The following AGAP1 variants were observed in gnomAD, a reference collection of about 807,000 sequenced individuals.
AGAP1 encodes the protein arf-GAP with GTPase, ANK repeat and PH domain-containing protein 1.
A neutral mutation model predicts 105.3 loss-of-function variants in AGAP1; 29 were observed. The ratio of observed to expected loss-of-function variants is 0.28; its 90% CI spans 0.21 to 0.38. The LOEUF (loss-of-function observed/expected upper bound fraction) is 0.38, where lower values mean the gene tolerates loss of function less well. AGAP1 is among the 10% of genes least tolerant of loss of function. The probability of loss-of-function intolerance (pLI) is 1.00; values close to 1 mark genes in which losing one functional copy is unlikely to be tolerated. For missense variants in AGAP1, 998 were observed against 1,165.1 expected (o/e 0.86, Z 2.09); for synonymous variants, 509 against 485.9 (o/e 1.05, Z -0.63).
chr2:235,546,453 C>A (rs558957726), intron 1 of AGAP1, among the ~76,000 whole-genome samples: 2 of 152,216 alleles, frequency 1.3e-5, no homozygotes, highest in South Asian at 4.2e-4. Context: ...TGGTTCCTGG[C>A]GTCCTATCAA....
At chr2:235,644,957 G>A (rs59826979) in intron 1 of AGAP1, among the ~76,000 whole-genome samples, 5,508 of 151,520 alleles carry the variant, frequency 0.036, 275 homozygotes, top group African/African-American at 0.11. Context: ...GTGCAATGGC[G>A]CGATCTGGGC....
At position 235,977,597 on chromosome 2, in the gene AGAP1, G is replaced by A. The variant is rs2054913862; in HGVS notation, c.1645+8974G>A. Among the ~76,000 whole-genome samples the A allele has an allele frequency of 6.6e-6, 1 of 152,116 alleles. No individual in the cohort carries two copies. Among genetic ancestry groups the A allele is most frequent in the Non-Finnish European group, 1.5e-5 (1 of 68,030 alleles). On this transcript the variant is annotated intron_variant, in intron 13 of 17. Transcript: ENST00000304032. The surrounding 1 kb of genome is among the most constrained non-coding windows in gnomAD (Gnocchi z 5.2). The stretch of plus-strand genomic sequence containing the variant: ...ACGCTCTGTTAGACACATGCGGCCT[G>A]GGCTTCAGGAAGTAGAGATGCCCGG...
intron 6 of AGAP1, among the ~76,000 whole-genome samples, chr2:235,756,092 T>G (rs1953904274): frequency 6.6e-6 from 1 of 152,186 alleles, no homozygotes. Flanking sequence ...GCCTGTATAT[T>G]CTTGGAGATG....
rs753610702 is a variant in AGAP1, at chr2:236,049,225, C to A, written c.2058C>A (p.Asn686Lys). The change falls in exon 16 of 18, where the codon AAC becomes AAA. Residue 686 changes from asparagine (N) to lysine (K), a missense_variant. By Grantham distance (94) the Asn-to-Lys change is moderately conservative (BLOSUM62 0). Around this residue, in one of 3 missense-constraint regions of AGAP1, gnomAD observed 235 missense variants for 270.7 expected, o/e 0.87. Coordinates refer to ENST00000304032, the MANE Select transcript of AGAP1 (RefSeq NM_001037131.3). ...VMSSIGNELANSVWEESSQGR... is the reference protein window; with the variant it reads ...VMSSIGNELAKSVWEESSQGR... Reference sequence around the variant, plus strand: ...CATCCATCGGGAACGAGCTAGCCAACAGCGTCTGGGAAGAGAGCAGCCAGG... The same window carrying A: ...CATCCATCGGGAACGAGCTAGCCAAAAGCGTCTGGGAAGAGAGCAGCCAGG... The A allele has an allele frequency of 1.9e-6, 3 of 1,614,236 alleles. No individual in the cohort carries two copies. Among genetic ancestry groups the A allele is most frequent in the South Asian group, 1.1e-5 (1 of 91,086 alleles).
intron 1 of AGAP1, among the ~76,000 whole-genome samples, chr2:235,515,326 T>G (rs1942334977): frequency 6.6e-6 from 1 of 152,118 alleles, no homozygotes; most frequent in Non-Finnish European, 1.5e-5. Flanking sequence ...CTGCTTGGGT[T>G]GCCTGGAGAG....
intron 6 of AGAP1, among the ~76,000 whole-genome samples, chr2:235,756,247 CAG>C (rs1216475768): frequency 2.6e-5 from 4 of 152,160 alleles, no homozygotes; most frequent in African/African-American, 9.7e-5. Context: ...CAGAGGAACA[CAG>C]GGGCCTGTGT....
intron 16 of AGAP1, among the ~76,000 whole-genome samples, chr2:236,075,755 CCT>C (rs1462162606): frequency 3.9e-5 from 6 of 152,202 alleles, no homozygotes; most frequent in Non-Finnish European, 7.3e-5. Context: ...TCAAGAGGAG[CCT>C]TTGACAAACA....
chr2:235,799,267 A>G lies in AGAP1; in HGVS notation c.802-100A>G, dbSNP rs571928641. The stretch of plus-strand genomic sequence containing the variant: ...TCAGCCATTCCCATGCATCCCTTCC[A>G]TGGGGCTCATGCTCACTTGTTGGTT... On this transcript the variant is annotated intron_variant, in intron 7 of 17. Coordinates refer to ENST00000304032, the MANE Select transcript of AGAP1 (RefSeq NM_001037131.3). This position sits in a 1 kb window ranked among gnomAD's most constrained non-coding sequence, Gnocchi z 5.0. The G allele has an allele frequency of 4.7e-5, 65 of 1,391,498 alleles. No individual in the cohort carries two copies. The Middle Eastern group carries it at 1.5e-3, about 32-fold the overall frequency. The allele number at this position is 1,391,498 out of a possible 1,614,324, so 86.2% of individuals were successfully genotyped here.
rs115969261 is a variant in AGAP1, at chr2:235,728,127, A to T, written c.310+10483A>T. ...ATGGCAAATTCCAAGGGCCAGGACGATGGAGACAAGGGAAGTAGAAGTTGA... is the reference window on the plus strand; with the variant it reads ...ATGGCAAATTCCAAGGGCCAGGACGTTGGAGACAAGGGAAGTAGAAGTTGA... On this transcript the variant is annotated intron_variant, in intron 3 of 17. Transcript: ENST00000304032. This position sits in a 1 kb window ranked among gnomAD's most constrained non-coding sequence, Gnocchi z 4.3. Among the ~76,000 whole-genome samples, 880 of 152,312 alleles carry T rather than the reference A, an allele frequency of 5.8e-3. 2 individuals are homozygous for T. Among genetic ancestry groups the T allele is most frequent in the Middle Eastern group, 0.01 (3 of 294 alleles).
chr2:235,661,409 C>G (rs1035278251), intron 1 of AGAP1, among the ~76,000 whole-genome samples: 3 of 150,368 alleles, frequency 2.0e-5, no homozygotes, highest in African/African-American at 7.3e-5. Flanking sequence ...TGGGTGTGGG[C>G]GGGAGGCAGG....
rs1335404761 is a variant in AGAP1 at position 235,665,313 on chromosome 2, G to C, written c.164-43866G>C. 2.6e-5 allele frequency among the ~76,000 whole-genome samples: 4 copies of C among 152,148 alleles called. No homozygotes were observed. The highest frequency in any genetic ancestry group is 9.7e-5 in the African/African-American group (4 of 41,426). On this transcript the variant is annotated intron_variant, in intron 1 of 17. Coordinates refer to ENST00000304032, the MANE Select transcript of AGAP1 (RefSeq NM_001037131.3). This position sits in a 1 kb window ranked among gnomAD's most constrained non-coding sequence, Gnocchi z 5.3. ...TGCAGGTGCTCAGAGGACCTTCTGG[G>C]GTCTTTTTTCCTGCCAGATCAATGT...
intron 9 of AGAP1, among the ~76,000 whole-genome samples, chr2:235,816,437 C>CAAAA (rs79795818): frequency 1.0e-5 from 1 of 97,928 alleles, no homozygotes; most frequent in African/African-American, 3.8e-5. Context: ...GACTCCGTCT[C>CAAAA]AAAAAAAAAA....
In AGAP1 at chr2:235,965,246, A is replaced by T. The variant is rs2054342856; in HGVS notation, c.1484-3216A>T. Among the ~76,000 whole-genome samples the T allele has an allele frequency of 1.3e-5, 2 of 152,072 alleles. No homozygotes were observed. The highest frequency in any genetic ancestry group is 2.9e-5 in the Non-Finnish European group (2 of 68,010). On this transcript the variant is annotated intron_variant, in intron 12 of 17. Transcript: ENST00000304032. This position sits in a 1 kb window ranked among gnomAD's most constrained non-coding sequence, Gnocchi z 5.8. ...CTTGGGAGCCGGCTGCCGGGAAGAG[A>T]GGGTCAGGTAGAGCCAAGCCTGGAA...
At chr2:236,060,456 A>T (rs189911371) in intron 16 of AGAP1, among the ~76,000 whole-genome samples, 1 of 152,178 alleles carries the variant, frequency 6.6e-6, no homozygotes, top group Non-Finnish European at 1.5e-5. Flanking sequence ...TGGGAGGCCA[A>T]GGTGGGAGGA....
At position 235,801,390 on chromosome 2, in the gene AGAP1, C is replaced by T. The variant is rs143764466; in HGVS notation, c.957+1868C>T. ...TTGATGCTATAAAATGATTTCTGAT[C>T]GTGTTAAGCATATGTGATAGATTAG... On this transcript the variant is annotated intron_variant, in intron 8 of 17. Transcript: ENST00000304032. This position sits in a 1 kb window ranked among gnomAD's most constrained non-coding sequence, Gnocchi z 6.0. Among the ~76,000 whole-genome samples, 8 of 152,194 alleles carry T rather than the reference C, an allele frequency of 5.3e-5. No homozygotes were observed. The highest frequency in any genetic ancestry group is 1.5e-5 in the Non-Finnish European group (1 of 68,008).
intron 16 of AGAP1, among the ~76,000 whole-genome samples, chr2:236,097,352 T>A (rs573055159): frequency 6.8e-6 from 1 of 146,080 alleles, no homozygotes; most frequent in South Asian, 2.2e-4. Flanking sequence ...TCATGAAATA[T>A]ACATAATATA....
intron 1 of AGAP1, among the ~76,000 whole-genome samples, chr2:235,528,564 A>G (rs1364751607): frequency 5.3e-5 from 8 of 152,178 alleles, no homozygotes; most frequent in Non-Finnish European, 8.8e-5. Context: ...TCCTTAAGTC[A>G]GTGAAAGATT....
intron 10 of AGAP1, among the ~76,000 whole-genome samples, chr2:235,886,977 C>T (rs1014709028): frequency 1.3e-5 from 2 of 152,150 alleles, no homozygotes; most frequent in African/African-American, 4.8e-5. Flanking sequence ...TGGGAAGAGG[C>T]ATTCAATGGG....
rs1346602002 is a variant in AGAP1, at chr2:235,891,370, C to T, written c.1155+7921C>T. On this transcript the variant is annotated intron_variant, in intron 10 of 17. Coordinates refer to ENST00000304032, the MANE Select transcript of AGAP1 (RefSeq NM_001037131.3). The surrounding 1 kb of genome is among the most constrained non-coding windows in gnomAD (Gnocchi z 4.2). ...CCTTTAAAAAGCCCTAACTGCTTAACTTTCTTGGGGGAAATATATATGAGT... is the reference window on the plus strand; with the variant it reads ...CCTTTAAAAAGCCCTAACTGCTTAATTTTCTTGGGGGAAATATATATGAGT... Among the ~76,000 whole-genome samples, 1 of 152,156 alleles carries T rather than the reference C, an allele frequency of 6.6e-6. No individual in the cohort carries two copies. Among genetic ancestry groups the T allele is most frequent in the East Asian group, 1.9e-4 (1 of 5,192 alleles).
Sources: gnomAD v4.1 joint callset for allele counts (sites outside exome capture counted in the v4.1 genomes callset) on GRCh38, gnomAD v4.1.1 for gene constraint, gnomAD v4.1.1 regional missense constraint, Gnocchi (gnomAD v3.1) non-coding constraint, MANE v1.5 for transcripts, NCBI Gene and HGNC (gene_info 2026-07-23, HGNC 2026-07-21) for gene names.